The following IMPG2 variants were observed in gnomAD, a reference collection of about 807,000 sequenced individuals.
IMPG2 encodes IPM 200.
Under a neutral mutation model 129.2 loss-of-function variants are expected in IMPG2, and 91 were observed. The ratio of observed to expected loss-of-function variants is 0.70; its 90% CI spans 0.59 to 0.84. The LOEUF (loss-of-function observed/expected upper bound fraction) is 0.84. IMPG2 is among the 40% of genes least tolerant of loss of function. The pLI, the probability that IMPG2 is intolerant of heterozygous loss-of-function variation, is 0.00. For missense variants in IMPG2, 1,430 were observed against 1,461.7 expected, an observed-to-expected ratio of 0.98 and a Z score of 0.35; for synonymous variants, 510 against 517.7, an observed-to-expected ratio of 0.99 and a Z score of 0.20.
intron 2 of IMPG2, among the ~76,000 whole-genome samples, chr3:101,309,630 G>A (rs534274024): frequency 9.2e-5 from 14 of 152,046 alleles, no homozygotes; most frequent in African/African-American, 1.2e-4. Flanking sequence ...TCCCACACCC[G>A]ACATATGGGG....
At chr3:101,273,504 C>A in intron 7 of IMPG2, 77 bp downstream of exon 7, 1 of 1,470,142 alleles carries the variant, frequency 6.8e-7, no homozygotes, top group Non-Finnish European at 9.4e-7. Context: ...CTAAACCTAT[C>A]TTTAAACAGT....
At chr3:101,228,311 GA>G (rs1164235051) in intron 18 of IMPG2, among the ~76,000 whole-genome samples, 45 of 152,314 alleles carry the variant, frequency 3.0e-4, no homozygotes, top group African/African-American at 7.9e-4. Flanking sequence ...TACAGAGATA[GA>G]ATTGAAAGAA....
At chr3:101,296,576 C>T (rs559490692) in intron 3 of IMPG2, among the ~76,000 whole-genome samples, 1 of 152,228 alleles carries the variant, frequency 6.6e-6, no homozygotes, top group South Asian at 2.1e-4. Flanking sequence ...ATGCTGGCCT[C>T]ATATAATGGG....
At chr3:101,255,672 C>T (rs1706590373) in intron 10 of IMPG2, among the ~76,000 whole-genome samples, 1 of 152,080 alleles carries the variant, frequency 6.6e-6, no homozygotes, top group Non-Finnish European at 1.5e-5. Context: ...ATGCCATCTC[C>T]ATGGTTAGCC....
At chr3:101,310,559 C>CAAAAAAAAAA (rs199570786) in intron 2 of IMPG2, among the ~76,000 whole-genome samples, 1 of 126,504 alleles carries the variant, frequency 7.9e-6, no homozygotes, top group Non-Finnish European at 1.6e-5. Context: ...GACCCTGTCT[C>CAAAAAAAAAA]AAAAAAAAAA....
At chr3:101,306,010 G>A (rs1214627100) in intron 2 of IMPG2, among the ~76,000 whole-genome samples, 2 of 152,120 alleles carry the variant, frequency 1.3e-5, no homozygotes, top group Non-Finnish European at 2.9e-5. Flanking sequence ...ACATCAGGCA[G>A]GATCCACATT....
intron 3 of IMPG2, 39 bp downstream of exon 3, chr3:101,304,107 C>T: frequency 1.2e-6 from 2 of 1,608,040 alleles, no homozygotes; most frequent in Non-Finnish European, 8.5e-7. Context: ...AATGCTCCTA[C>T]AATAGTCCAG....
At position 101,229,601 on chromosome 3, in the gene IMPG2, G is replaced by T. The variant is rs752681760; in HGVS notation, c.3423-11C>A. On this transcript the variant is annotated splice_polypyrimidine_tract_variant and intron_variant, in intron 16 of 18. Transcript: ENST00000193391. ...TGCCTGCTGGAGCCACTAAAAGAAA[G>T]ATATGATGGATTCAGGCTCTTGTTT... 1 of 1,609,710 alleles carries T rather than the reference G, an allele frequency of 6.2e-7. No homozygotes were observed. The highest frequency in any genetic ancestry group is 8.5e-7 in the Non-Finnish European group (1 of 1,176,554).
chr3:101,267,010 G>A (rs1706727658), intron 9 of IMPG2, among the ~76,000 whole-genome samples: 1 of 152,092 alleles, frequency 6.6e-6, no homozygotes, highest in South Asian at 2.1e-4. Flanking sequence ...TAAAAAGAAG[G>A]AAATCCTGTG....
Position 101,223,116 on chromosome 3 carries a change from C to T in IMPG2, c.*3853G>A, listed in dbSNP as rs150153634. 10 of 152,352 alleles carry T rather than the reference C, an allele frequency of 6.6e-5. No homozygotes were observed. In the East Asian group the frequency reaches 1.9e-3, roughly 29 times the overall value. 9.4% of individuals were successfully genotyped at this position (152,352 alleles called of 1,614,324 possible). ...GAAATTTCCAGGCAATTCTTTACAT[C>T]ATGGTACCCTCCCATATTTCCACCT... On this transcript the variant is annotated 3_prime_UTR_variant, in exon 19 of 19. Transcript: ENST00000193391.
chr3:101,226,830 A>G lies in IMPG2; in HGVS notation c.*139T>C. On this transcript the variant is annotated 3_prime_UTR_variant, in exon 19 of 19. Transcript: ENST00000193391. ...TGAAAACTTAAGCTGAAAAAAAAAC[A>G]GTGTGCCCTATATTTAATTTTTTCA... 1.2e-6 allele frequency: 1 copy of G among 816,444 alleles called. No individual in the cohort carries two copies. Among genetic ancestry groups the G allele is most frequent in the Non-Finnish European group, 2.0e-6 (1 of 498,300 alleles). The allele number at this position is 816,444 out of a possible 1,614,324, so 50.6% of individuals were successfully genotyped here. A position where few individuals can be genotyped will look rare whatever the true frequency, so the allele number is the denominator to read the frequency against.
chr3:101,314,514 G>A (rs184225762), intron 2 of IMPG2, among the ~76,000 whole-genome samples: 41 of 152,172 alleles, frequency 2.7e-4, no homozygotes, highest in Admixed American at 2.3e-3. Context: ...TCCATGGGCT[G>A]TTTCCCACTC....
chr3:101,296,842 T>G (rs1421253738), intron 3 of IMPG2, among the ~76,000 whole-genome samples: 1 of 152,186 alleles, frequency 6.6e-6, no homozygotes, highest in Non-Finnish European at 1.5e-5. Context: ...TATCCGTGTC[T>G]TCTAGATTTT....
Position 101,223,510 on chromosome 3 carries a change from GAA to G in IMPG2, c.*3457_*3458del, listed in dbSNP as rs1359598831. 6.6e-6 allele frequency: 1 copy of G among 152,090 alleles called. No individual in the cohort carries two copies. The highest frequency in any genetic ancestry group is 2.4e-5 in the African/African-American group (1 of 41,402). 9.4% of individuals were successfully genotyped at this position (152,090 alleles called of 1,614,324 possible). On this transcript the variant is annotated 3_prime_UTR_variant, in exon 19 of 19. Coordinates refer to ENST00000193391, the MANE Select transcript of IMPG2 (RefSeq NM_016247.4). ...GAAAGATGTCAAAGTACCCATTGCT[GAA>G]AACAGAAATAACATAAAGCTACCAA...
chr3:101,244,468 T>A lies in IMPG2; in HGVS notation c.1863A>T (p.Ser621=). 1 of 1,614,126 alleles carries A rather than the reference T, an allele frequency of 6.2e-7. No individual in the cohort carries two copies. Among genetic ancestry groups the A allele is most frequent in the Non-Finnish European group, 8.5e-7 (1 of 1,179,970 alleles). Residue 621 remains serine, a synonymous_variant, in exon 13 of 19, where the codon TCA becomes TCT. Coordinates refer to ENST00000193391, the MANE Select transcript of IMPG2 (RefSeq NM_016247.4). ...LITWPWSETS[S]EKSAEPLSKP... Reference sequence around the variant, plus strand: ...TGGACAGTGGTTCAGCGCTCTTCTCTGATGAAGTCTCACTCCATGGCCAAG... The same window carrying A: ...TGGACAGTGGTTCAGCGCTCTTCTCAGATGAAGTCTCACTCCATGGCCAAG...
chr3:101,280,207 C>A lies in IMPG2; in HGVS notation c.534-3494G>T, dbSNP rs375644306. 6.6e-5 allele frequency among the ~76,000 whole-genome samples: 10 copies of A among 152,322 alleles called. 1 individual carries two copies. Among genetic ancestry groups the A allele is most frequent in the African/African-American group, 2.4e-4 (10 of 41,566 alleles). ...CATGTCAATGGAATTCAGGTGGGATCATGTCAACAGCTGCTCATAGCCACA... is the reference window on the plus strand; with the variant it reads ...CATGTCAATGGAATTCAGGTGGGATAATGTCAACAGCTGCTCATAGCCACA... On this transcript the variant is annotated intron_variant, in intron 4 of 18. Transcript: ENST00000193391.
intron 4 of IMPG2, among the ~76,000 whole-genome samples, chr3:101,283,577 A>ACAGTAGATGG (rs1447561854): frequency 2.6e-5 from 4 of 152,212 alleles, no homozygotes; most frequent in African/African-American, 9.6e-5. Flanking sequence ...TACAGAGTAT[A>ACAGTAGATGG]CAGTAGATGG....
At chr3:101,243,455 A>G (rs1706431796) in intron 13 of IMPG2, 74 bp downstream of exon 13, 5 of 1,308,164 alleles carry the variant, frequency 3.8e-6, no homozygotes, top group Non-Finnish European at 5.5e-6. Context: ...CTCAGACCTT[A>G]TGTGCTAGAG....
At chr3:101,249,059 C>T (rs1706516056) in intron 11 of IMPG2, among the ~76,000 whole-genome samples, 1 of 152,202 alleles carries the variant, frequency 6.6e-6, no homozygotes, top group South Asian at 2.1e-4. Flanking sequence ...CATAGCTGTG[C>T]TTCTCCCTCC....
Sources: allele counts gnomAD v4.1 joint callset (sites outside exome capture counted in the v4.1 genomes callset), GRCh38; gene constraint gnomAD v4.1.1; transcripts MANE v1.5; gene names NCBI Gene and HGNC (gene_info 2026-07-23, HGNC 2026-07-21).